SCAPER: variants seen among roughly 807,000 people sequenced by gnomAD.
SCAPER encodes the protein S phase cyclin A-associated protein in the endoplasmic reticulum.
Under a neutral mutation model 182.2 loss-of-function variants are expected in SCAPER, and 98 were observed. That is an observed-to-expected ratio of 0.54 (90% CI 0.46 to 0.64). SCAPER has a LOEUF of 0.64. Among genes scored for constraint, SCAPER ranks in the 30% least tolerant of loss-of-function variants. SCAPER has a pLI of 0.00. For missense variants in SCAPER, 1,432 were observed against 1,690.0 expected (o/e 0.85, Z 2.68); for synonymous variants, 605 against 564.6 (o/e 1.07, Z -1.01).
chr15:76,646,850 T>G (rs2054590602), intron 21 of SCAPER, among the ~76,000 whole-genome samples: 1 of 152,230 alleles, frequency 6.6e-6, no homozygotes, highest in African/African-American at 2.4e-5. Context: ...AACATTTCCC[T>G]CATCCCACTG....
intron 14 of SCAPER, among the ~76,000 whole-genome samples, chr15:76,762,818 T>G (rs1018482906): frequency 5.9e-5 from 9 of 152,108 alleles, no homozygotes; most frequent in African/African-American, 2.2e-4. Context: ...CTGATAATTT[T>G]TTTGTTGTTC....
At chr15:76,557,334 T>C (rs2046265768) in intron 23 of SCAPER, among the ~76,000 whole-genome samples, 1 of 152,192 alleles carries the variant, frequency 6.6e-6, no homozygotes, top group South Asian at 2.1e-4. Flanking sequence ...AAGCTGGAGA[T>C]ATCACATTGC....
intron 26 of SCAPER, among the ~76,000 whole-genome samples, chr15:76,420,214 C>A (rs1448194329): frequency 6.6e-6 from 1 of 151,214 alleles, no homozygotes; most frequent in Non-Finnish European, 1.5e-5. Context: ...CCCACTTTCA[C>A]CCCTCTATAG....
intron 23 of SCAPER, among the ~76,000 whole-genome samples, chr15:76,570,671 T>A (rs142544481): frequency 4.7e-4 from 71 of 152,266 alleles, no homozygotes; most frequent in African/African-American, 1.6e-3. Context: ...TTCTGCTTAC[T>A]TATCATGACT....
intron 29 of SCAPER, among the ~76,000 whole-genome samples, chr15:76,375,454 C>T (rs2042490121): frequency 6.6e-6 from 1 of 151,864 alleles, no homozygotes; most frequent in African/African-American, 2.4e-5. Flanking sequence ...CATAGAGCAC[C>T]AGACTCTAAT....
chr15:76,655,175 GA>G (rs2055517829), intron 21 of SCAPER, among the ~76,000 whole-genome samples: 1 of 152,162 alleles, frequency 6.6e-6, no homozygotes, highest in Non-Finnish European at 1.5e-5. Flanking sequence ...CAGGAGCTGA[GA>G]GACAAAACAG....
intron 22 of SCAPER, among the ~76,000 whole-genome samples, chr15:76,596,530 A>G (rs999026849): frequency 1.7e-5 from 2 of 121,084 alleles, no homozygotes; most frequent in Non-Finnish European, 4.0e-5. Context: ...ATTTCAGGCC[A>G]ATATCCCTGT....
At chr15:76,769,666 C>G (rs542442227) in intron 10 of SCAPER, among the ~76,000 whole-genome samples, 2 of 152,172 alleles carry the variant, frequency 1.3e-5, no homozygotes, top group African/African-American at 4.8e-5. Context: ...CAGGAAACAA[C>G]AGATGCTGGA....
At chr15:76,495,702 T>C (rs1567270256) in intron 24 of SCAPER, among the ~76,000 whole-genome samples, 1 of 151,940 alleles carries the variant, frequency 6.6e-6, no homozygotes, top group Non-Finnish European at 1.5e-5. Context: ...AGATACTTCT[T>C]GGTTTTCCAG....
intron 27 of SCAPER, among the ~76,000 whole-genome samples, chr15:76,387,018 C>A (rs2043335050): frequency 6.6e-6 from 1 of 152,204 alleles, no homozygotes; most frequent in Non-Finnish European, 1.5e-5. Flanking sequence ...CTGCTTTAAT[C>A]ATCCAAGTGA....
chr15:76,735,471 G>A (rs2061194590), intron 15 of SCAPER, among the ~76,000 whole-genome samples: 1 of 152,060 alleles, frequency 6.6e-6, no homozygotes, highest in Non-Finnish European at 1.5e-5. Flanking sequence ...GCCGAGACAG[G>A]CAGATTGCCT....
chr15:76,466,419 C>CTTTTTTTTT lies in SCAPER; in HGVS notation c.3078+4784_3078+4792dup. On this transcript the variant is annotated intron_variant, in intron 25 of 31. Transcript: ENST00000563290. ...TCAGTTCCAAAATTGGTTGGTTCTTCTTTTTTTTTTTTTTTTTTTTTTTGT... is the reference window on the plus strand; with the variant it reads ...TCAGTTCCAAAATTGGTTGGTTCTTCTTTTTTTTTTTTTTTTTTTTTTTTTTTTTTTTGT... Among the ~76,000 whole-genome samples, 265 of 37,352 alleles carry CTTTTTTTTT rather than the reference C, an allele frequency of 7.1e-3. 6 individuals are homozygous for CTTTTTTTTT. The highest frequency in any genetic ancestry group is 0.042 in the Middle Eastern group (1 of 24). 24.5% of individuals were successfully genotyped at this position (37,352 alleles called of 152,430 possible).
At chr15:76,379,692 CTTTTCCTTTTTTTTTTCT>C (rs963159835) in intron 28 of SCAPER, 6 of 151,676 alleles carry the variant, frequency 4.0e-5, no homozygotes, top group African/African-American at 7.3e-5. Flanking sequence ...TGATTTTTTT[CTTTTCCTTTTTTTTTTCT>C]TTTTCCTTTT....
At chr15:76,447,435 TC>T (rs1374887982) in intron 25 of SCAPER, among the ~76,000 whole-genome samples, 1 of 152,206 alleles carries the variant, frequency 6.6e-6, no homozygotes, top group African/African-American at 2.4e-5. Flanking sequence ...ACCTGAGACT[TC>T]TGATTGGCAT....
rs192672719 is a variant in SCAPER at position 76,573,738 on chromosome 15, T to G, written c.2838+420A>C. Among the ~76,000 whole-genome samples, 338 of 152,256 alleles carry G rather than the reference T, an allele frequency of 2.2e-3. 1 individual carries two copies. The highest frequency in any genetic ancestry group is 7.8e-3 in the African/African-American group (324 of 41,570). On this transcript the variant is annotated intron_variant, in intron 23 of 31. Transcript: ENST00000563290. ...AAACTATAATTGAGATATTTAATGA[T>G]TCTAAGTCATTAAAGAAAACTGCCA...
rs189566159 is a variant in SCAPER, at chr15:76,689,573, G to C, written c.2508+12185C>G. On this transcript the variant is annotated intron_variant, in intron 20 of 31. Transcript: ENST00000563290. ...ATATAGAAGAAACTGATATGGTAGA[G>C]AAAAGCCTCCCCCTAAAAATGGCTT... Among the ~76,000 whole-genome samples, 1,239 of 151,914 alleles carry C rather than the reference G, an allele frequency of 8.2e-3. 12 individuals carry two copies. The highest frequency in any genetic ancestry group is 0.028 in the African/African-American group (1,176 of 41,500).
At chr15:76,377,768 T>A (rs2042669113) in intron 28 of SCAPER, among the ~76,000 whole-genome samples, 1 of 152,234 alleles carries the variant, frequency 6.6e-6, no homozygotes, top group Admixed American at 6.5e-5. Context: ...TAACCTTTTG[T>A]ACTATTACAT....
intron 8 of SCAPER, among the ~76,000 whole-genome samples, chr15:76,778,502 A>G (rs181233841): frequency 1.1e-4 from 16 of 152,292 alleles, no homozygotes; most frequent in African/African-American, 2.9e-4. Context: ...AAAGCAGTTC[A>G]GAGACAGAAA....
intron 4 of SCAPER, among the ~76,000 whole-genome samples, chr15:76,844,307 G>A (rs990769704): frequency 2.0e-5 from 3 of 148,024 alleles, no homozygotes; most frequent in Admixed American, 2.0e-4. Flanking sequence ...AGGGAAAGAG[G>A]GAGGAAGAAA....
Sources: allele counts gnomAD v4.1 joint callset (sites outside exome capture counted in the v4.1 genomes callset), GRCh38; gene constraint gnomAD v4.1.1; transcripts MANE v1.5; gene names NCBI Gene and HGNC (gene_info 2026-07-23, HGNC 2026-07-21).